The following MYO9B variants were observed in gnomAD, a reference collection of about 807,000 sequenced individuals.
MYO9B encodes unconventional myosin-IXb.
Under a neutral mutation model 229.5 loss-of-function variants are expected in MYO9B, and 71 were observed. That is an observed-to-expected ratio of 0.31 (90% CI 0.26 to 0.38). The LOEUF (loss-of-function observed/expected upper bound fraction) is 0.38. Among genes scored for constraint, MYO9B ranks in the 10% least tolerant of loss-of-function variants. MYO9B has a pLI of 1.00. For synonymous variants in MYO9B, 1,185 were observed against 1,235.8 expected (o/e 0.96, Z 0.86); for missense variants, 2,255 against 2,920.5 (o/e 0.77, Z 5.25).
At chr19:17,107,233 C>CA (rs1568664905) in intron 2 of MYO9B, among the ~76,000 whole-genome samples, 1 of 151,792 alleles carries the variant, frequency 6.6e-6, no homozygotes, top group Admixed American at 6.6e-5. Context: ...GACCCTGTCT[C>CA]AAAAAAATAA....
At chr19:17,198,066 A>C in intron 23 of MYO9B, 118 bp from the exon 24 acceptor site, 1 of 1,475,638 alleles carries the variant, frequency 6.8e-7, no homozygotes, top group Non-Finnish European at 9.0e-7. Flanking sequence ...CCGTTTCAAA[A>C]AAAAAAAAAG....
At chr19:17,085,281 A>G (rs577157452) in intron 1 of MYO9B, among the ~76,000 whole-genome samples, 117 of 152,306 alleles carry the variant, frequency 7.7e-4, no homozygotes, top group African/African-American at 2.7e-3. Flanking sequence ...GGTGGGTTTC[A>G]TGGCCAGGAG....
intron 3 of MYO9B, among the ~76,000 whole-genome samples, chr19:17,149,522 A>C (rs1389468759): frequency 6.6e-6 from 1 of 151,966 alleles, no homozygotes; most frequent in East Asian, 1.9e-4. Context: ...TCCTGCCTCC[A>C]CCCACAACCT....
At position 17,212,024 on chromosome 19, in the gene MYO9B, C is replaced by T. The variant is rs1285043950; in HGVS notation, c.6188C>T (p.Pro2063Leu). 6.2e-7 allele frequency: 1 copy of T among 1,609,582 alleles called. No homozygotes were observed. Among genetic ancestry groups the T allele is most frequent in the Admixed American group, 1.7e-5 (1 of 59,676 alleles). ...TVRVKTPRRTPIMPTANIKLP... is the reference protein window; with the variant it reads ...TVRVKTPRRTLIMPTANIKLP... ...AGAGTGAAGACCCCCCGGCGGACCC[C>T]CATCATGCCCACGGCCAACATCAAG... is the stretch of plus-strand genomic sequence containing the variant. Residue 2063 changes from proline (P) to leucine (L), a missense_variant, in exon 40 of 40, where the codon CCC (proline) becomes CTC (leucine). Transcript: ENST00000682292. The surrounding 1 kb of genome is among the most constrained non-coding windows in gnomAD (Gnocchi z 5.4).
intron 19 of MYO9B, among the ~76,000 whole-genome samples, chr19:17,189,600 C>G (rs541551804): frequency 3.3e-4 from 50 of 152,170 alleles, no homozygotes; most frequent in Admixed American, 1.0e-3. Context: ...CCACTGCACT[C>G]CAGCCTGGGC....
intron 10 of MYO9B, among the ~76,000 whole-genome samples, chr19:17,164,161 G>A (rs2072634642): frequency 6.6e-6 from 1 of 152,096 alleles, no homozygotes; most frequent in African/African-American, 2.4e-5. Flanking sequence ...TCTCCCTAGA[G>A]GCCCAGATCA....
intron 1 of MYO9B, among the ~76,000 whole-genome samples, chr19:17,081,834 G>A (rs1004439413): frequency 7.2e-4 from 109 of 151,002 alleles, no homozygotes; most frequent in African/African-American, 2.5e-3. Context: ...AAAAAAAGAG[G>A]CGAGGACCCA....
At chr19:17,083,428 G>GAAA (rs984323098) in intron 1 of MYO9B, among the ~76,000 whole-genome samples, 115 of 152,294 alleles carry the variant, frequency 7.6e-4, no homozygotes, top group South Asian at 4.1e-4. Flanking sequence ...CTGCACTGTA[G>GAAA]GGTGTTGAAC....
At chr19:17,094,100 ATC>A (rs1176396113) in intron 1 of MYO9B, among the ~76,000 whole-genome samples, 1 of 132,012 alleles carries the variant, frequency 7.6e-6, no homozygotes, top group African/African-American at 3.1e-5. Context: ...CAATGGCGCA[ATC>A]TCGGCACACT....
intron 2 of MYO9B, among the ~76,000 whole-genome samples, chr19:17,111,431 T>C (rs1317182175): frequency 6.6e-6 from 1 of 152,196 alleles, no homozygotes; most frequent in Non-Finnish European, 1.5e-5. Context: ...ATAGATTAAA[T>C]TGTATCTGCA....
intron 2 of MYO9B, among the ~76,000 whole-genome samples, chr19:17,105,980 C>T (rs1490409900): frequency 6.7e-6 from 1 of 148,660 alleles, no homozygotes; most frequent in Admixed American, 6.7e-5. Context: ...CCCCTCCCCT[C>T]CTCTCCCCTC....
chr19:17,083,763 G>A (rs565807716), intron 1 of MYO9B, among the ~76,000 whole-genome samples: 1 of 150,832 alleles, frequency 6.6e-6, no homozygotes, highest in South Asian at 2.1e-4. Flanking sequence ...CGATTCTCCT[G>A]CCTCAGCCTC....
intron 27 of MYO9B, 34 bp downstream of exon 27, chr19:17,202,058 A>G (rs2073111923): frequency 6.2e-7 from 1 of 1,610,854 alleles, no homozygotes; most frequent in East Asian, 2.2e-5. Flanking sequence ...CCTTTCCCAT[A>G]CCCTGCTCAG....
intron 1 of MYO9B, among the ~76,000 whole-genome samples, chr19:17,089,903 C>A (rs1307783036): frequency 1.3e-5 from 2 of 152,052 alleles, no homozygotes; most frequent in Non-Finnish European, 2.9e-5. Flanking sequence ...CAAAAGGAAA[C>A]CCCGTCCCCA....
At position 17,124,340 on chromosome 19, in the gene MYO9B, C is replaced by A. The variant is rs188137073; in HGVS notation, c.841-21057C>A. 1.4e-4 allele frequency among the ~76,000 whole-genome samples: 21 copies of A among 152,020 alleles called. No individual in the cohort carries two copies. The East Asian group carries it at 3.9e-3, about 28-fold the overall frequency. ...AGACCCCATCTCTACAAATAAAAAT[C>A]ATTCCTATGTCAGGTAAAGAGAAAG... On this transcript the variant is annotated intron_variant, in intron 2 of 39. Coordinates refer to ENST00000682292, the MANE Select transcript of MYO9B (RefSeq NM_004145.4).
In MYO9B at chr19:17,198,166, C is replaced by T; in HGVS notation, c.4114-18C>T. 1.2e-6 allele frequency: 2 copies of T among 1,613,442 alleles called. No individual in the cohort carries two copies. The highest frequency in any genetic ancestry group is 1.7e-6 in the Non-Finnish European group (2 of 1,179,816). ...TGCCAGCCTTTCCTTAGCAGCCCCC[C>T]ACTGCACCGTCTTGCAGCCTGCAGC... On this transcript the variant is annotated intron_variant, in intron 23 of 39. Transcript: ENST00000682292.
chr19:17,127,404 G>A (rs538960519), intron 2 of MYO9B, among the ~76,000 whole-genome samples: 1 of 150,260 alleles, frequency 6.7e-6, no homozygotes, highest in South Asian at 2.1e-4. Flanking sequence ...TTGGCTCACT[G>A]CAACCTTCGC....
intron 2 of MYO9B, among the ~76,000 whole-genome samples, chr19:17,142,174 AAAAAAGAAAG>A (rs1432219846): frequency 6.6e-6 from 1 of 151,476 alleles, no homozygotes; most frequent in African/African-American, 2.4e-5. Flanking sequence ...TTTAAAAAAA[AAAAAAGAAAG>A]AAAAAAGAAG....
intron 37 of MYO9B, 62 bp from the exon 38 acceptor site, chr19:17,210,653 C>A (rs55888795): frequency 0.068 from 100,341 of 1,480,532 alleles, 3,778 homozygotes; most frequent in Non-Finnish European, 0.078. Flanking sequence ...TCTGCTCACA[C>A]CTCCGGCAGT....
Sources: gnomAD v4.1 joint callset for allele counts (sites outside exome capture counted in the v4.1 genomes callset) on GRCh38, gnomAD v4.1.1 for gene constraint, Gnocchi (gnomAD v3.1) non-coding constraint, MANE v1.5 for transcripts, NCBI Gene and HGNC (gene_info 2026-07-23, HGNC 2026-07-21) for gene names.